EPB41L4B: variants seen among roughly 807,000 people sequenced by gnomAD.
The protein encoded by EPB41L4B is erythrocyte membrane protein band 4.1 like 4B, also known as band 4.1-like protein 4B.
In EPB41L4B, 30 loss-of-function variants were observed where a neutral mutation model predicts 112.5. That is an observed-to-expected ratio of 0.27 (90% CI 0.20 to 0.36). The LOEUF is 0.36. Among genes scored for constraint, EPB41L4B ranks in the 10% least tolerant of loss-of-function variants. EPB41L4B has a pLI of 1.00. For missense variants in EPB41L4B, 1,024 were observed against 1,133.3 expected, an observed-to-expected ratio of 0.90 and a Z score of 1.38; for synonymous variants, 408 against 439.7, an observed-to-expected ratio of 0.93 and a Z score of 0.90.
chr9:109,227,799 C>T (rs1375014392), intron 15 of EPB41L4B, among the ~76,000 whole-genome samples: 1 of 152,154 alleles, frequency 6.6e-6, no homozygotes, highest in African/African-American at 2.4e-5. Flanking sequence ...CCAGGATGGT[C>T]TCGATCTCTT....
At chr9:109,261,371 A>G (rs1242728370) in intron 6 of EPB41L4B, among the ~76,000 whole-genome samples, 2 of 152,136 alleles carry the variant, frequency 1.3e-5, no homozygotes, top group East Asian at 3.9e-4. Flanking sequence ...CTTACCAAGC[A>G]TCTACTATAT....
chr9:109,269,586 C>T (rs1488319145), intron 2 of EPB41L4B, among the ~76,000 whole-genome samples: 2 of 152,078 alleles, frequency 1.3e-5, no homozygotes, highest in Non-Finnish European at 2.9e-5. Flanking sequence ...CCAGCAGGCC[C>T]CTGTTAAGAC....
Position 109,279,823 on chromosome 9 carries a change from C to G in EPB41L4B, c.405G>C (p.Gln135His). The G allele has an allele frequency of 1.2e-6, 2 of 1,613,886 alleles. No individual in the cohort carries two copies. The highest frequency in any genetic ancestry group is 1.6e-4 in the Middle Eastern group (1 of 6,062). ...AATCAAAGCAATAACCTACCGCAAC[C>G]TGGGCAGAGTCGAGGAACTGGAGGC... ...YFGLQFLDSAQVAHWLDHAKP... is the reference protein window; with the variant it reads ...YFGLQFLDSAHVAHWLDHAKP... Residue 135 changes from glutamine to histidine, a missense_variant, in exon 2 of 26, where the codon CAG (glutamine) becomes CAC (histidine). Physicochemically the swap from Gln to His is conservative, Grantham distance 24 (BLOSUM62 0). Coordinates refer to ENST00000374566, the MANE Select transcript of EPB41L4B (RefSeq NM_019114.5).
chr9:109,262,452 G>GTGTGTGT (rs34849317), intron 6 of EPB41L4B, among the ~76,000 whole-genome samples: 2,344 of 149,636 alleles, frequency 0.016, 33 homozygotes, highest in Middle Eastern at 0.024. Flanking sequence ...TGTGTGTGGG[G>GTGTGTGT]GTGTGTGTGT....
At chr9:109,312,563 A>T (rs1837457522) in intron 1 of EPB41L4B, among the ~76,000 whole-genome samples, 1 of 152,256 alleles carries the variant, frequency 6.6e-6, no homozygotes, top group African/African-American at 2.4e-5. Context: ...CCACAAATCA[A>T]GCTAGAGTCT....
chr9:109,183,160 C>T (rs888418267), intron 23 of EPB41L4B, among the ~76,000 whole-genome samples: 1 of 152,164 alleles, frequency 6.6e-6, no homozygotes, highest in Non-Finnish European at 1.5e-5. Flanking sequence ...TCAGAGTTGC[C>T]TGAGGTGGCT....
In EPB41L4B at chr9:109,217,131, G is replaced by A. The variant is rs1833403312; in HGVS notation, c.1424C>T (p.Ser475Phe). The stretch of plus-strand genomic sequence containing the variant: ...CCGGTCCGAGCTGCTAAGCACTGGG[G>A]AAGGGAGCGGGTAGCTGTGGAGGGT... ...HSPNVSYPLP[S>F]PVLSSSDRLP... Residue 475 changes from serine to phenylalanine, a missense_variant, in exon 16 of 26, where the codon TCC (serine) becomes TTC (phenylalanine). By Grantham distance (155) the Ser-to-Phe change is radical (BLOSUM62 -2). Coordinates refer to ENST00000374566, the MANE Select transcript of EPB41L4B (RefSeq NM_019114.5). 2 of 1,613,804 alleles carry A rather than the reference G, an allele frequency of 1.2e-6. No individual in the cohort carries two copies. Among genetic ancestry groups the A allele is most frequent in the Non-Finnish European group, 1.7e-6 (2 of 1,180,048 alleles).
chr9:109,259,177 C>T (rs1395806812), intron 6 of EPB41L4B, among the ~76,000 whole-genome samples: 2 of 152,156 alleles, frequency 1.3e-5, no homozygotes, highest in Admixed American at 6.5e-5. Flanking sequence ...AACCTGAAAC[C>T]CCACCCCAGA....
rs1205840883 is a variant in EPB41L4B, at chr9:109,226,771, TATATATATGAAGA to T, written c.1410-9639_1410-9627del. Among the ~76,000 whole-genome samples the T allele has an allele frequency of 1.7e-3, 252 of 146,172 alleles. 3 individuals are homozygous for T. Among genetic ancestry groups the T allele is most frequent in the African/African-American group, 5.7e-3 (230 of 40,190 alleles). On this transcript the variant is annotated intron_variant, in intron 15 of 25. Coordinates refer to ENST00000374566, the MANE Select transcript of EPB41L4B (RefSeq NM_019114.5). ...TATATGAAGAATATATATATATGAA[TATATATATGAAGA>T]ATATATATGAAGAATATATATATGA...
chr9:109,243,876 C>G (rs992586101), intron 14 of EPB41L4B, among the ~76,000 whole-genome samples, 194 bp from the exon 15 acceptor site: 6 of 152,224 alleles, frequency 3.9e-5, no homozygotes, highest in African/African-American at 1.4e-4. Flanking sequence ...GGGGCTGGCA[C>G]CCAGTGCCGG....
At chr9:109,181,013 G>A (rs1832032434) in intron 24 of EPB41L4B, among the ~76,000 whole-genome samples, 1 of 152,054 alleles carries the variant, frequency 6.6e-6, no homozygotes, top group African/African-American at 2.4e-5. Context: ...ACATTTGGCA[G>A]AATTTTTTAA....
chr9:109,260,084 C>T (rs904592944), intron 6 of EPB41L4B, among the ~76,000 whole-genome samples: 2 of 152,198 alleles, frequency 1.3e-5, no homozygotes, highest in East Asian at 1.9e-4. Flanking sequence ...CTTTTCTTTT[C>T]TTTTGAGAAA....
At chr9:109,260,296 C>G (rs1188928339) in intron 6 of EPB41L4B, among the ~76,000 whole-genome samples, 1 of 152,038 alleles carries the variant, frequency 6.6e-6, no homozygotes, top group East Asian at 1.9e-4. Context: ...TCTCAAACTC[C>G]TGGGCCCAAG....
chr9:109,236,347 G>C (rs1834142136), intron 15 of EPB41L4B, among the ~76,000 whole-genome samples: 1 of 151,846 alleles, frequency 6.6e-6, no homozygotes, highest in Admixed American at 6.6e-5. Flanking sequence ...GAAGTGCATA[G>C]CTTTGCTGAG....
intron 19 of EPB41L4B, among the ~76,000 whole-genome samples, chr9:109,201,914 G>C (rs550042187): frequency 3.3e-5 from 5 of 152,042 alleles, no homozygotes; most frequent in Non-Finnish European, 7.4e-5. Flanking sequence ...ATTACAGAAA[G>C]GTCCTTAGAA....
chr9:109,274,882 A>G (rs1159022045), intron 2 of EPB41L4B, among the ~76,000 whole-genome samples: 1 of 152,208 alleles, frequency 6.6e-6, no homozygotes, highest in African/African-American at 2.4e-5. Flanking sequence ...CAAAGACTGT[A>G]GTTCAGTGCT....
chr9:109,309,080 A>C (rs1837323362), intron 1 of EPB41L4B, among the ~76,000 whole-genome samples: 1 of 152,212 alleles, frequency 6.6e-6, no homozygotes, highest in Non-Finnish European at 1.5e-5. Context: ...GTCTTTTAAA[A>C]AAAAAAAATT....
chr9:109,193,381 T>C (rs1832528310), intron 21 of EPB41L4B, among the ~76,000 whole-genome samples: 1 of 152,250 alleles, frequency 6.6e-6, no homozygotes, highest in Non-Finnish European at 1.5e-5. Flanking sequence ...ATGAGCACTT[T>C]AACCTCCACT....
chr9:109,215,645 G>A (rs373968995), intron 16 of EPB41L4B, among the ~76,000 whole-genome samples: 9 of 152,230 alleles, frequency 5.9e-5, no homozygotes, highest in East Asian at 5.8e-4. Flanking sequence ...GTACCACTGC[G>A]TCCAGCCCTC....
Sources: allele counts gnomAD v4.1 joint callset (sites outside exome capture counted in the v4.1 genomes callset), GRCh38; gene constraint gnomAD v4.1.1; transcripts MANE v1.5; gene names NCBI Gene and HGNC (gene_info 2026-07-23, HGNC 2026-07-21).